PDE10A: variants seen among roughly 807,000 people sequenced by gnomAD.
PDE10A encodes the protein phosphodiesterase 10A.
A neutral mutation model predicts 97.7 loss-of-function variants in PDE10A; 39 were observed. The ratio of observed to expected loss-of-function variants is 0.40; its 90% CI spans 0.31 to 0.52. PDE10A has a LOEUF of 0.52. Ranked by LOEUF, PDE10A falls within the 20% of genes least tolerant of loss-of-function variation. The pLI, the probability that PDE10A is intolerant of heterozygous loss-of-function variation, is 0.56. For missense variants in PDE10A, 731 were observed against 1,047.8 expected, an observed-to-expected ratio of 0.70 and a Z score of 4.17; for synonymous variants, 371 against 376.8, an observed-to-expected ratio of 0.98 and a Z score of 0.18.
intron 1 of PDE10A, among the ~76,000 whole-genome samples, chr6:165,929,072 C>G (rs748726761): frequency 6.6e-6 from 1 of 152,134 alleles, no homozygotes; most frequent in Admixed American, 6.6e-5. Context: ...AAAATGAGAC[C>G]TTCTGCACAG....
chr6:165,425,770 C>CATGTGTGTGT (rs112669910), intron 10 of PDE10A, among the ~76,000 whole-genome samples: 88 of 144,136 alleles, frequency 6.1e-4, no homozygotes, highest in African/African-American at 1.7e-3. Flanking sequence ...AAGGCATGAT[C>CATGTGTGTGT]GTGTGTGTGT....
chr6:165,619,156 A>C (rs890912505), intron 1 of PDE10A, among the ~76,000 whole-genome samples: 17 of 147,894 alleles, frequency 1.1e-4, no homozygotes, highest in Middle Eastern at 3.5e-3. Flanking sequence ...AGTGTCGTGT[A>C]GTGTAGTGTA....
rs557021153 is a variant in PDE10A, at chr6:165,750,125, C to T, written c.-614-206557G>A. On this transcript the variant is annotated intron_variant, in intron 1 of 19. Transcript: ENST00000366882. ...GTGTGGAGAGTGGTGAGGAGATGGG[C>T]ACAGGGCAGAAGTGGAGAAGCGAGC... 5.3e-5 allele frequency among the ~76,000 whole-genome samples: 8 copies of T among 152,170 alleles called. No individual in the cohort carries two copies. The South Asian group carries it at 1.7e-3, about 32-fold the overall frequency.
intron 3 of PDE10A, among the ~76,000 whole-genome samples, chr6:165,469,531 A>G (rs935421518): frequency 7.2e-5 from 11 of 152,204 alleles, no homozygotes; most frequent in Admixed American, 6.5e-4. Context: ...CAAAACATAA[A>G]TTTGAATGCC....
chr6:165,479,964 G>A (rs546388345), intron 3 of PDE10A, among the ~76,000 whole-genome samples: 32 of 152,202 alleles, frequency 2.1e-4, no homozygotes, highest in African/African-American at 7.7e-4. Context: ...CATTAAAACC[G>A]TACTGACAGA....
chr6:165,848,752 C>G (rs540756109), intron 1 of PDE10A, among the ~76,000 whole-genome samples: 10 of 152,268 alleles, frequency 6.6e-5, no homozygotes, highest in African/African-American at 1.9e-4. Flanking sequence ...TCCAGAGGAA[C>G]AGTGGCCGGG....
At chr6:165,837,320 G>A in intron 1 of PDE10A, among the ~76,000 whole-genome samples, 1 of 152,204 alleles carries the variant, frequency 6.6e-6, no homozygotes. Flanking sequence ...GCTTCAAGCT[G>A]CAATTCTGAG....
chr6:165,494,990 A>T (rs1016667558), intron 2 of PDE10A, among the ~76,000 whole-genome samples: 11 of 152,144 alleles, frequency 7.2e-5, no homozygotes, highest in African/African-American at 2.7e-4. Flanking sequence ...GAACATTCAT[A>T]AACCACTCAT....
At chr6:165,686,527 C>T (rs911378758) in intron 1 of PDE10A, among the ~76,000 whole-genome samples, 17 of 152,172 alleles carry the variant, frequency 1.1e-4, no homozygotes, top group Non-Finnish European at 2.1e-4. Flanking sequence ...TTGAACACCA[C>T]GGTGAGCACA....
At chr6:165,972,342 C>G (rs115009157) in intron 1 of PDE10A, among the ~76,000 whole-genome samples, 23 of 151,966 alleles carry the variant, frequency 1.5e-4, no homozygotes, top group African/African-American at 5.1e-4. Context: ...GTCCTCCACA[C>G]TCTCTCTGCT....
intron 18 of PDE10A, among the ~76,000 whole-genome samples, chr6:165,377,296 T>C (rs1231534689): frequency 3.9e-5 from 6 of 152,044 alleles, no homozygotes; most frequent in African/African-American, 1.2e-4. Context: ...TGAAAAATCA[T>C]AGAAAAATGC....
At chr6:165,373,231 G>T (rs1784386627) in intron 18 of PDE10A, among the ~76,000 whole-genome samples, 1 of 150,988 alleles carries the variant, frequency 6.6e-6, no homozygotes. Flanking sequence ...TGACAAATGG[G>T]ATCTAATTAA....
chr6:165,836,773 C>T (rs1363169225), intron 1 of PDE10A, among the ~76,000 whole-genome samples: 11 of 151,928 alleles, frequency 7.2e-5, no homozygotes, highest in Non-Finnish European at 1.5e-5. Context: ...CTGAATTCCC[C>T]CAAAGCTTAA....
intron 1 of PDE10A, among the ~76,000 whole-genome samples, chr6:165,876,680 C>T (rs1781353680): frequency 6.6e-6 from 1 of 152,202 alleles, no homozygotes; most frequent in South Asian, 2.1e-4. Context: ...GGTTAAAAAC[C>T]TGCAGCCTCC....
intron 1 of PDE10A, among the ~76,000 whole-genome samples, chr6:165,882,574 T>C (rs1781512858): frequency 6.6e-6 from 1 of 152,102 alleles, no homozygotes. Context: ...TGGCCATGAG[T>C]TGTAGACTCA....
intron 1 of PDE10A, among the ~76,000 whole-genome samples, chr6:165,934,485 A>C (rs573376620): frequency 5.3e-5 from 8 of 151,760 alleles, no homozygotes; most frequent in African/African-American, 1.2e-4. Flanking sequence ...ACAAAAAAAA[A>C]CCCTCTGGAT....
At chr6:165,973,721 G>A (rs749513865) in intron 1 of PDE10A, among the ~76,000 whole-genome samples, 2 of 152,216 alleles carry the variant, frequency 1.3e-5, no homozygotes, top group African/African-American at 2.4e-5. Flanking sequence ...CAAGGGGTGA[G>A]GTCAGGACGT....
At chr6:165,543,711 C>T (rs2128323737) in intron 1 of PDE10A, 143 bp from the exon 2 acceptor site, 1 of 584,656 alleles carries the variant, frequency 1.7e-6, no homozygotes, top group Non-Finnish European at 2.8e-6. Context: ...GAAGGGGAAG[C>T]TACTGCTTAG....
chr6:165,666,156 T>C (rs1790491816), upstream of PDE10A, among the ~76,000 whole-genome samples: 1 of 152,214 alleles, frequency 6.6e-6, no homozygotes, highest in Non-Finnish European at 1.5e-5. Flanking sequence ...ATGGTTAATA[T>C]TTTATGAACT....
Sources: allele counts gnomAD v4.1 joint callset (sites outside exome capture counted in the v4.1 genomes callset), GRCh38; gene constraint gnomAD v4.1.1; transcripts MANE v1.5; gene names NCBI Gene and HGNC (gene_info 2026-07-23, HGNC 2026-07-21).